Variants in BOD1L1 observed in about 807,000 individuals in gnomAD.
The protein encoded by BOD1L1 is biorientation of chromosomes in cell division 1 like 1.
In BOD1L1, 86 loss-of-function variants were observed where a neutral mutation model predicts 240.7. The ratio of observed to expected loss-of-function variants is 0.36; its 90% CI spans 0.30 to 0.43. BOD1L1 has a LOEUF of 0.43. BOD1L1 is among the 20% of genes least tolerant of loss of function. BOD1L1 has a pLI of 1.00. For missense variants in BOD1L1, 3,554 were observed against 3,643.5 expected, an observed-to-expected ratio of 0.98 and a Z score of 0.63; for synonymous variants, 1,268 against 1,272.3, an observed-to-expected ratio of 1.00 and a Z score of 0.07.
intron 2 of BOD1L1, among the ~76,000 whole-genome samples, chr4:13,618,594 G>C (rs1716798507): frequency 6.6e-6 from 1 of 152,140 alleles, no homozygotes; most frequent in Non-Finnish European, 1.5e-5. Context: ...CTCTTTTACA[G>C]GTTCCTCAGA....
In BOD1L1 at chr4:13,601,801, C is replaced by T; in HGVS notation, c.5099G>A (p.Gly1700Glu). Reference protein sequence around the residue: ...VTSAGTEIRAGSISSEEVDGS... With the variant: ...VTSAGTEIRAESISSEEVDGS... ...ATCCACCTCTTCACTGCTTATAGAT[C>T]CTGCTCTTATCTCTGTTCCAGCACT... Residue 1700 changes from glycine (G) to glutamate (E), a missense_variant, in exon 10 of 26, where the codon GGA (glycine) becomes GAA (glutamate). Physicochemically the swap from Gly to Glu is moderately conservative, Grantham distance 98 (BLOSUM62 -2). Transcript: ENST00000040738. 6.2e-7 allele frequency: 1 copy of T among 1,613,958 alleles called. No individual in the cohort carries two copies. Among genetic ancestry groups the T allele is most frequent in the Non-Finnish European group, 8.5e-7 (1 of 1,179,898 alleles).
intron 12 of BOD1L1, 22 bp from the exon 13 acceptor site, chr4:13,591,988 A>C: frequency 6.6e-7 from 1 of 1,517,038 alleles, no homozygotes; most frequent in Non-Finnish European, 8.9e-7. Context: ...TAAAAATGAG[A>C]TGTAAAGAAA....
chr4:13,604,204 C>A lies in BOD1L1; in HGVS notation c.2696G>T (p.Arg899Leu). 1 of 1,613,512 alleles carries A rather than the reference C, an allele frequency of 6.2e-7. No individual in the cohort carries two copies. Among genetic ancestry groups the A allele is most frequent in the South Asian group, 1.1e-5 (1 of 90,932 alleles). ...PEEVVHKEKR[R>L]TKSLLEEKLV... is the part of the protein sequence containing the mutation. ...TTTCTCTTCTAACAAGCTCTTTGTT[C>A]GTCGTTTCTCCTTGTGAACAACCTC... is the stretch of plus-strand genomic sequence containing the variant. The change falls in exon 10 of 26, where the codon CGA (arginine) becomes CTA (leucine). Residue 899 changes from arginine to leucine, a missense_variant. Arg to Leu is a moderately radical substitution (Grantham distance 102). Around this residue, in one of 2 missense-constraint regions of BOD1L1, gnomAD observed 3,393 missense variants for 3,427.1 expected, o/e 0.99. Coordinates refer to ENST00000040738, the MANE Select transcript of BOD1L1 (RefSeq NM_148894.3).
intron 22 of BOD1L1, among the ~76,000 whole-genome samples, chr4:13,579,077 G>A (rs1713007171): frequency 6.6e-6 from 1 of 152,122 alleles, no homozygotes; most frequent in Admixed American, 6.6e-5. Context: ...GGTAGTAGTT[G>A]TCCTTTTTTG....
intron 17 of BOD1L1, among the ~76,000 whole-genome samples, chr4:13,583,161 C>A (rs1340908390): frequency 5.9e-5 from 9 of 152,200 alleles, no homozygotes; most frequent in African/African-American, 1.9e-4. Context: ...TTCTGGGTAT[C>A]CAGATGGGCT....
Position 13,627,336 on chromosome 4 carries a change from G to A in BOD1L1, c.243+9C>T, listed in dbSNP as rs780892726. 7 of 1,298,840 alleles carry A rather than the reference G, an allele frequency of 5.4e-6. No individual in the cohort carries two copies. The African/African-American group carries it at 9.1e-5, about 17-fold the overall frequency. 80.5% of individuals were successfully genotyped at this position (1,298,840 alleles called of 1,614,324 possible). Reference sequence around the variant, plus strand: ...CCTCGCAGACCCCCAAACCCGGCGCGCTCCTAACCTTGGTGTCCACGTCGG... The same window carrying A: ...CCTCGCAGACCCCCAAACCCGGCGCACTCCTAACCTTGGTGTCCACGTCGG... On this transcript the variant is annotated intron_variant, in intron 1 of 25. Coordinates refer to ENST00000040738, the MANE Select transcript of BOD1L1 (RefSeq NM_148894.3).
At chr4:13,570,289 G>C (rs1712108263) in intron 25 of BOD1L1, among the ~76,000 whole-genome samples, 161 bp from the exon 26 acceptor site, 1 of 152,232 alleles carries the variant, frequency 6.6e-6, no homozygotes, top group African/African-American at 2.4e-5. Context: ...CGAAGAGCTT[G>C]AACTAACTGG....
intron 17 of BOD1L1, 64 bp downstream of exon 17, chr4:13,586,332 C>T: frequency 2.3e-6 from 2 of 884,010 alleles, no homozygotes; most frequent in Non-Finnish European, 3.6e-6. Context: ...TAAGTATTTA[C>T]AATGCTGTAA....
intron 10 of BOD1L1, 68 bp from the exon 11 acceptor site, chr4:13,597,236 G>C: frequency 8.4e-7 from 1 of 1,194,892 alleles, no homozygotes; most frequent in Admixed American, 2.0e-5. Flanking sequence ...GGGTCAAAAA[G>C]TAATGGAATG....
At chr4:13,590,273 A>C in intron 14 of BOD1L1, 113 bp downstream of exon 14, 1 of 524,570 alleles carries the variant, frequency 1.9e-6, no homozygotes, top group Non-Finnish European at 3.3e-6. Context: ...ATTTTTATGA[A>C]TTAAATGAGA....
chr4:13,602,786 C>T lies in BOD1L1; in HGVS notation c.4114G>A (p.Ala1372Thr), dbSNP rs753497969. 2 of 1,613,992 alleles carry T rather than the reference C, an allele frequency of 1.2e-6. No individual in the cohort carries two copies. Among genetic ancestry groups the T allele is most frequent in the South Asian group, 2.2e-5 (2 of 91,084 alleles). Residue 1372 changes from alanine (A) to threonine (T), a missense_variant, in exon 10 of 26, where the codon GCT becomes ACT. Physicochemically the swap from Ala to Thr is moderately conservative, Grantham distance 58 (BLOSUM62 0). Coordinates refer to ENST00000040738, the MANE Select transcript of BOD1L1 (RefSeq NM_148894.3). ...SKRHIPEAHQATLLDGKQGKV... is the reference protein window; with the variant it reads ...SKRHIPEAHQTTLLDGKQGKV... ...CCTTGTTTACCATCCAATAAAGTAG[C>T]CTGGTGAGCTTCTGGAATGTGTCTT...
Position 13,603,536 on chromosome 4 carries a change from T to C in BOD1L1, c.3364A>G (p.Ile1122Val), listed in dbSNP as rs1715402646. ...TLIPEQEPME[I>V]DSEPGVENVF... ...TTTTCAACACCTGGCTCAGAATCAA[T>C]TTCCATTGGCTCTTGTTCAGGGATC... The change falls in exon 10 of 26, where the codon ATT (isoleucine) becomes GTT (valine). Residue 1122 changes from isoleucine to valine, a missense_variant. Ile to Val is a conservative substitution (Grantham distance 29). Transcript: ENST00000040738. 6.2e-7 allele frequency: 1 copy of C among 1,614,002 alleles called. No homozygotes were observed. Among genetic ancestry groups the C allele is most frequent in the Non-Finnish European group, 8.5e-7 (1 of 1,179,884 alleles).
At chr4:13,612,051 C>A (rs1716210353) in intron 5 of BOD1L1, among the ~76,000 whole-genome samples, 1 of 152,100 alleles carries the variant, frequency 6.6e-6, no homozygotes, top group Non-Finnish European at 1.5e-5. Context: ...TTAGTTAGGG[C>A]AGAGAAAGTG....
At chr4:13,617,242 CAAA>C (rs35905517) in intron 2 of BOD1L1, among the ~76,000 whole-genome samples, 4 of 116,392 alleles carry the variant, frequency 3.4e-5, no homozygotes, top group East Asian at 2.3e-4. Context: ...AACTCCGTCT[CAAA>C]AAAAAAAAAA....
chr4:13,620,102 T>G (rs1410881256), intron 1 of BOD1L1, 35 bp from the exon 2 acceptor site: 1 of 1,560,700 alleles, frequency 6.4e-7, no homozygotes, highest in Non-Finnish European at 8.7e-7. Context: ...GTCTTCAAGG[T>G]TATACAGTAT....
chr4:13,602,827 G>T lies in BOD1L1; in HGVS notation c.4073C>A (p.Ala1358Glu). 1 of 1,613,964 alleles carries T rather than the reference G, an allele frequency of 6.2e-7. No homozygotes were observed. Among genetic ancestry groups the T allele is most frequent in the Non-Finnish European group, 8.5e-7 (1 of 1,179,882 alleles). ...AATGTGTCTTTTGCTAGTGATGCTTGCTTTTGCTGGTGTATCTACTGTGAA... is the reference window on the plus strand; with the variant it reads ...AATGTGTCTTTTGCTAGTGATGCTTTCTTTTGCTGGTGTATCTACTGTGAA... ...EGFTVDTPAKASITSKRHIPE... is the reference protein window; with the variant it reads ...EGFTVDTPAKESITSKRHIPE... The change falls in exon 10 of 26, where the codon GCA becomes GAA. Residue 1358 changes from alanine to glutamate, a missense_variant. This residue lies in a region of BOD1L1 where 3,393 missense variants were observed against 3,427.1 expected (regional missense o/e 0.99). Transcript: ENST00000040738.
chr4:13,614,134 T>C, intron 4 of BOD1L1, 62 bp downstream of exon 4: 1 of 1,361,014 alleles, frequency 7.3e-7, no homozygotes, highest in South Asian at 1.7e-5. Context: ...AATTTGATAC[T>C]TCCCTGATCC....
intron 1 of BOD1L1, among the ~76,000 whole-genome samples, chr4:13,621,382 A>C (rs960441301): frequency 1.3e-5 from 2 of 152,208 alleles, no homozygotes; most frequent in African/African-American, 4.8e-5. Flanking sequence ...AGAAATTCTC[A>C]TATCTGCACC....
Position 13,599,938 on chromosome 4 carries a change from A to C in BOD1L1, c.6962T>G (p.Val2321Gly). Residue 2321 changes from valine (V) to glycine (G), a missense_variant, in exon 10 of 26, where the codon GTA (valine) becomes GGA (glycine). By Grantham distance (109) the Val-to-Gly change is moderately radical. This residue lies in a region of BOD1L1 where 3,393 missense variants were observed against 3,427.1 expected (regional missense o/e 0.99). Transcript: ENST00000040738. ...GATGGCAGCATCGCTCAAGTCTTCT[A>C]CTCTTGTGATGGTGAGCCGATCTTC... The part of the protein sequence containing the change: ...QDEDRLTITR[V>G]EDLSDAAIIS... The C allele has an allele frequency of 6.2e-7, 1 of 1,613,060 alleles. No homozygotes were observed. The highest frequency in any genetic ancestry group is 8.5e-7 in the Non-Finnish European group (1 of 1,179,534).
Sources: allele counts gnomAD v4.1 joint callset (sites outside exome capture counted in the v4.1 genomes callset), GRCh38; gene constraint gnomAD v4.1.1; regional missense constraint gnomAD v4.1.1; transcripts MANE v1.5; gene names NCBI Gene and HGNC (gene_info 2026-07-23, HGNC 2026-07-21).